DCDC1: variants seen among roughly 807,000 people sequenced by gnomAD.
DCDC1 encodes doublecortin domain containing 1, also known as doublecortin domain-containing protein 1.
A neutral mutation model predicts 178.3 loss-of-function variants in DCDC1; 200 were observed. The observed-to-expected ratio is 1.12, with a 90% confidence interval of 1.00 to 1.26. The LOEUF (loss-of-function observed/expected upper bound fraction) is 1.26. Ranked by LOEUF, DCDC1 falls within the 50% of genes most tolerant of loss-of-function variation. The pLI is 0.00. For synonymous variants in DCDC1, 690 were observed against 604.8 expected (o/e 1.14, Z -2.07); for missense variants, 1,983 against 1,749.2 (o/e 1.13, Z -2.38).
intron 1 of DCDC1, among the ~76,000 whole-genome samples, chr11:31,359,890 G>C (rs963364692): frequency 1.3e-5 from 2 of 152,164 alleles, no homozygotes; most frequent in Non-Finnish European, 1.5e-5. Context: ...CAACAGATCT[G>C]AACTCAACTG....
intron 1 of DCDC1, among the ~76,000 whole-genome samples, chr11:31,361,916 C>A (rs1951729320): frequency 6.6e-6 from 1 of 152,144 alleles, no homozygotes; most frequent in African/African-American, 2.4e-5. Flanking sequence ...GCTACATCTA[C>A]CTGAGGCAAG....
chr11:31,070,066 A>T (rs1956460544), intron 18 of DCDC1, among the ~76,000 whole-genome samples: 1 of 152,212 alleles, frequency 6.6e-6, no homozygotes, highest in Non-Finnish European at 1.5e-5. Context: ...ATTTGGAGAC[A>T]TTTACAAATT....
chr11:31,163,509 G>T (rs1482039355), intron 9 of DCDC1, among the ~76,000 whole-genome samples: 2 of 151,978 alleles, frequency 1.3e-5, no homozygotes, highest in South Asian at 2.1e-4. Flanking sequence ...TAATGTATAT[G>T]GTTTAAATAA....
intron 20 of DCDC1, among the ~76,000 whole-genome samples, chr11:30,999,394 A>C (rs290098): frequency 0.013 from 2,055 of 152,274 alleles, 50 homozygotes; most frequent in African/African-American, 0.048. Context: ...CTACCTTTAC[A>C]ATTCTTCTGT....
intron 18 of DCDC1, 80 bp from the exon 19 acceptor site, chr11:31,065,233 G>A (rs2135489579): frequency 1.8e-5 from 10 of 557,002 alleles, no homozygotes; most frequent in South Asian, 5.8e-5. Context: ...AAAGAGAGGA[G>A]GATAAATTAC....
chr11:31,369,362 C>T (rs1220450548), intron 1 of DCDC1, among the ~76,000 whole-genome samples: 11 of 152,206 alleles, frequency 7.2e-5, no homozygotes, highest in Admixed American at 7.2e-4. Flanking sequence ...CCCCGCACAT[C>T]TAGCCCTACC....
intron 20 of DCDC1, among the ~76,000 whole-genome samples, chr11:31,037,112 C>T (rs1237738777): frequency 6.6e-6 from 1 of 152,202 alleles, no homozygotes; most frequent in African/African-American, 2.4e-5. Context: ...TAAAGCAGAG[C>T]TACCCTCACT....
chr11:31,285,594 C>G (rs1407730606), intron 7 of DCDC1, among the ~76,000 whole-genome samples: 2 of 152,018 alleles, frequency 1.3e-5, no homozygotes, highest in Admixed American at 6.6e-5. Context: ...CTTTCTTAAG[C>G]TTGAAAATTT....
chr11:31,085,889 GT>G (rs1247083177), intron 17 of DCDC1, among the ~76,000 whole-genome samples: 2 of 151,836 alleles, frequency 1.3e-5, no homozygotes, highest in African/African-American at 4.8e-5. Context: ...TAATTTTTTA[GT>G]TAAAAATTTT....
At chr11:31,362,264 T>C (rs928689634) in intron 1 of DCDC1, among the ~76,000 whole-genome samples, 2 of 152,110 alleles carry the variant, frequency 1.3e-5, no homozygotes, top group East Asian at 3.8e-4. Flanking sequence ...CAAATATAGA[T>C]AGAAACTAAA....
chr11:31,105,724 A>T (rs918391038), intron 13 of DCDC1, among the ~76,000 whole-genome samples: 2 of 152,124 alleles, frequency 1.3e-5, no homozygotes, highest in Non-Finnish European at 2.9e-5. Context: ...AAATTTTGTA[A>T]CATGTGATCC....
At chr11:31,106,764 A>T (rs1229866697) in intron 13 of DCDC1, 33 bp downstream of exon 13, 1 of 762,270 alleles carries the variant, frequency 1.3e-6, no homozygotes, top group Non-Finnish European at 2.4e-6. Context: ...CCCTGGAAAG[A>T]TTGAGGACAG....
intron 6 of DCDC1, among the ~76,000 whole-genome samples, chr11:31,302,433 T>C (rs1266793587): frequency 6.6e-6 from 1 of 152,150 alleles, no homozygotes; most frequent in East Asian, 1.9e-4. Context: ...AACTACCTAT[T>C]CATAATTTCA....
chr11:30,873,939 C>T (rs2133937775), intron 38 of DCDC1, among the ~76,000 whole-genome samples: 1 of 152,266 alleles, frequency 6.6e-6, no homozygotes, highest in South Asian at 2.1e-4. Flanking sequence ...CTCAAACTCA[C>T]TTGTTTAGCC....
chr11:31,087,271 C>T (rs1957536611), intron 17 of DCDC1, among the ~76,000 whole-genome samples: 1 of 151,982 alleles, frequency 6.6e-6, no homozygotes, highest in Non-Finnish European at 1.5e-5. Flanking sequence ...AACAATCTGA[C>T]TAGAGATTTA....
intron 6 of DCDC1, among the ~76,000 whole-genome samples, chr11:31,294,149 T>C (rs1452014020): frequency 6.6e-6 from 1 of 152,148 alleles, no homozygotes; most frequent in South Asian, 2.1e-4. Flanking sequence ...GCAGAGAAAC[T>C]GACAGTGTAA....
chr11:31,175,108 C>T (rs143087917), intron 9 of DCDC1, among the ~76,000 whole-genome samples: 1,764 of 152,354 alleles, frequency 0.012, 16 homozygotes, highest in Non-Finnish European at 0.019. Context: ...TGAACCAAGG[C>T]TGTGACACCC....
intron 34 of DCDC1, among the ~76,000 whole-genome samples, chr11:30,896,545 G>T (rs1489426119): frequency 6.6e-6 from 1 of 152,178 alleles, no homozygotes; most frequent in Non-Finnish European, 1.5e-5. Context: ...GTGTCTGCAA[G>T]GGTAAGCCCA....
rs768149848 is a variant in DCDC1 at position 30,925,370 on chromosome 11, C to A, written c.2936G>T (p.Arg979Ile). The change falls in exon 23 of 39, where the codon AGA (arginine) becomes ATA (isoleucine). Residue 979 changes from arginine (R) to isoleucine (I), a missense_variant. Arg to Ile is a moderately conservative substitution (Grantham distance 97). Coordinates refer to ENST00000684477, the MANE Select transcript of DCDC1 (RefSeq NM_001387274.1). ...EILNLPSAARRLYNEKGKEIF... is the reference protein window; with the variant it reads ...EILNLPSAARILYNEKGKEIF... ...TTCCTTCCCCTTTTCATTGTACAAT[C>A]TCCGAGCTGCAGAAGGTAAATTTAA... 94 of 1,613,748 alleles carry A rather than the reference C, an allele frequency of 5.8e-5. No individual in the cohort carries two copies. The South Asian group carries it at 9.2e-4, about 16-fold the overall frequency.
Sources: allele counts gnomAD v4.1 joint callset (sites outside exome capture counted in the v4.1 genomes callset), GRCh38; gene constraint gnomAD v4.1.1; transcripts MANE v1.5; gene names NCBI Gene and HGNC (gene_info 2026-07-23, HGNC 2026-07-21).